Variants in CEP70 observed in about 807,000 individuals in gnomAD.
CEP70 encodes centrosomal protein of 70 kDa.
A neutral mutation model predicts 90.9 loss-of-function variants in CEP70; 70 were observed. The ratio of observed to expected loss-of-function variants is 0.77; its 90% CI spans 0.64 to 0.94. The LOEUF is 0.94. CEP70 is among the 40% of genes least tolerant of loss of function. The pLI is 0.00. For synonymous variants in CEP70, 220 were observed against 228.3 expected, an observed-to-expected ratio of 0.96 and a Z score of 0.33; for missense variants, 648 against 669.0, an observed-to-expected ratio of 0.97 and a Z score of 0.35.
At chr3:138,504,485 T>C (rs997441456) in intron 13 of CEP70, among the ~76,000 whole-genome samples, 1 of 152,214 alleles carries the variant, frequency 6.6e-6, no homozygotes, top group Non-Finnish European at 1.5e-5. Flanking sequence ...TATACATTCT[T>C]AACAGATATC....
chr3:138,551,294 T>G (rs1187658986), intron 6 of CEP70, among the ~76,000 whole-genome samples: 2 of 152,224 alleles, frequency 1.3e-5, no homozygotes, highest in Non-Finnish European at 2.9e-5. Flanking sequence ...AGATAGTCTT[T>G]TTCAGACAAA....
At chr3:138,515,928 G>A (rs1448220264) in intron 11 of CEP70, among the ~76,000 whole-genome samples, 1 of 151,908 alleles carries the variant, frequency 6.6e-6, no homozygotes, top group African/African-American at 2.4e-5. Context: ...GTTAAAACTC[G>A]GGAGACTTCT....
At chr3:138,517,779 T>C (rs1398940054) in intron 11 of CEP70, among the ~76,000 whole-genome samples, 2 of 152,368 alleles carry the variant, frequency 1.3e-5, no homozygotes, top group East Asian at 3.9e-4. Flanking sequence ...GGGTGATTTC[T>C]GCATTTCCAA....
Position 138,495,871 on chromosome 3 carries a change from G to C in CEP70, c.1733-795C>G, listed in dbSNP as rs968869206. ...TATGTCTCAAAAAAAACAATTATCTGCCTAATCAAAAAGATAGCCTCATCG... is the reference window on the plus strand; with the variant it reads ...TATGTCTCAAAAAAAACAATTATCTCCCTAATCAAAAAGATAGCCTCATCG... On this transcript the variant is annotated intron_variant, in intron 17 of 17. Coordinates refer to ENST00000264982, the MANE Select transcript of CEP70 (RefSeq NM_024491.4). The C allele has an allele frequency of 8.1e-6, 8 of 984,548 alleles. No individual in the cohort carries two copies. The African/African-American group carries it at 1.2e-4, about 15-fold the overall frequency. 61.0% of individuals were successfully genotyped at this position (984,548 alleles called of 1,614,324 possible).
intron 13 of CEP70, among the ~76,000 whole-genome samples, chr3:138,504,902 C>T (rs1449872033): frequency 6.6e-6 from 1 of 151,940 alleles, no homozygotes; most frequent in Non-Finnish European, 1.5e-5. Flanking sequence ...AAGGATAAGA[C>T]ATTATATCTG....
intron 3 of CEP70, among the ~76,000 whole-genome samples, chr3:138,571,966 G>C (rs572402744): frequency 6.6e-6 from 1 of 152,268 alleles, no homozygotes; most frequent in African/African-American, 2.4e-5. Context: ...TTTTAGTAGA[G>C]ATGGGGTTTC....
At chr3:138,511,657 T>C (rs7625326) in intron 11 of CEP70, among the ~76,000 whole-genome samples, 62,217 of 152,056 alleles carry the variant, frequency 0.41, 13,292 homozygotes, top group Non-Finnish European at 0.45. Flanking sequence ...GATGAATAAA[T>C]AGATACCCTC....
At chr3:138,544,531 GTATGTA>G (rs2039033892) in intron 6 of CEP70, among the ~76,000 whole-genome samples, 1 of 150,826 alleles carries the variant, frequency 6.6e-6, no homozygotes, top group African/African-American at 2.5e-5. Context: ...ATGTATGTAT[GTATGTA>G]TGTGTGTGTG....
chr3:138,589,671 G>T (rs2042279460), intron 2 of CEP70, among the ~76,000 whole-genome samples: 1 of 151,468 alleles, frequency 6.6e-6, no homozygotes, highest in Non-Finnish European at 1.5e-5. Context: ...AAGAAAAAAA[G>T]AAAACAAATT....
intron 7 of CEP70, among the ~76,000 whole-genome samples, chr3:138,533,786 TTTTG>T (rs771451769): frequency 6.6e-5 from 10 of 152,206 alleles, no homozygotes; most frequent in South Asian, 2.1e-4. Flanking sequence ...TTTTGTTTTT[TTTTG>T]TTTGTTTGTT....
intron 6 of CEP70, among the ~76,000 whole-genome samples, chr3:138,562,946 T>A (rs1417519013): frequency 6.6e-6 from 1 of 152,066 alleles, no homozygotes; most frequent in South Asian, 2.1e-4. Flanking sequence ...GTGTGCTGTA[T>A]TCAGGAGACC....
At chr3:138,547,251 C>G (rs138742721) in intron 6 of CEP70, among the ~76,000 whole-genome samples, 1 of 152,162 alleles carries the variant, frequency 6.6e-6, no homozygotes, top group Non-Finnish European at 1.5e-5. Context: ...GATAGAAAAG[C>G]AATACAGTAG....
intron 11 of CEP70, among the ~76,000 whole-genome samples, chr3:138,516,350 T>C (rs1388215868): frequency 6.6e-6 from 1 of 152,104 alleles, no homozygotes; most frequent in Non-Finnish European, 1.5e-5. Context: ...ACTTCTCTTT[T>C]CTTGTTTAGT....
At chr3:138,560,433 G>A (rs968672547) in intron 6 of CEP70, among the ~76,000 whole-genome samples, 11 of 152,026 alleles carry the variant, frequency 7.2e-5, no homozygotes, top group South Asian at 6.2e-4. Context: ...AAAACTGGGC[G>A]GCCATTTGGA....
At chr3:138,513,963 AAC>A (rs1553840563) in intron 11 of CEP70, among the ~76,000 whole-genome samples, 6 of 150,868 alleles carry the variant, frequency 4.0e-5, no homozygotes, top group Admixed American at 2.6e-4. Context: ...AAAAAAAAAA[AAC>A]AAACAAACTC....
At chr3:138,527,922 T>C (rs561438818) in intron 10 of CEP70, among the ~76,000 whole-genome samples, 19 of 150,110 alleles carry the variant, frequency 1.3e-4, no homozygotes, top group Middle Eastern at 3.4e-3. Context: ...CATAGGTGTA[T>C]ACACATATCA....
chr3:138,591,971 G>T lies in CEP70; in HGVS notation c.-108-15C>A, dbSNP rs540333234. 127 of 845,160 alleles carry T rather than the reference G, an allele frequency of 1.5e-4. 1 individual carries two copies. In the South Asian group the frequency reaches 2.2e-3, roughly 15 times the overall value. The allele number at this position is 845,160 out of a possible 1,614,324, so 52.4% of individuals were successfully genotyped here. ...TGGATCTTCATCTAGGTTTCAAAAA[G>T]ATAAAAAGAACAAAATCTTGAAATG... is the stretch of plus-strand genomic sequence containing the variant. On this transcript the variant is annotated splice_polypyrimidine_tract_variant and intron_variant, in intron 1 of 17. Transcript: ENST00000264982.
chr3:138,516,728 T>G (rs145763680), intron 11 of CEP70, among the ~76,000 whole-genome samples: 144 of 152,354 alleles, frequency 9.5e-4, no homozygotes, highest in African/African-American at 3.1e-3. Context: ...ATACTCATGA[T>G]ACTTGCCTGT....
At chr3:138,496,417 A>G (rs879698515) in intron 17 of CEP70, 2 of 985,412 alleles carry the variant, frequency 2.0e-6, no homozygotes, top group Non-Finnish European at 2.4e-6. Context: ...TACAACAGAG[A>G]ATTTGTTTAC....
Sources: gnomAD v4.1 joint callset for allele counts (sites outside exome capture counted in the v4.1 genomes callset) on GRCh38, gnomAD v4.1.1 for gene constraint, MANE v1.5 for transcripts, NCBI Gene and HGNC (gene_info 2026-07-23, HGNC 2026-07-21) for gene names.